Variants in NFIB observed in about 807,000 individuals in gnomAD.
The protein encoded by NFIB is nuclear factor 1 B-type.
NFIB carries 11 observed loss-of-function variants against 61.5 expected under a neutral mutation model. The ratio of observed to expected loss-of-function variants is 0.18; its 90% CI spans 0.11 to 0.30. The LOEUF is 0.30. Among genes scored for constraint, NFIB ranks in the 10% least tolerant of loss-of-function variants. The pLI, the probability that NFIB is intolerant of heterozygous loss-of-function variation, is 1.00. For missense variants in NFIB, 471 were observed against 608.9 expected (o/e 0.77, Z 2.38); for synonymous variants, 260 against 216.5 (o/e 1.20, Z -1.76).
the NFIB span, among the ~76,000 whole-genome samples, chr9:14,432,267 G>A: frequency 1.3e-5 from 2 of 152,298 alleles, no homozygotes; most frequent in Admixed American, 6.5e-5. Context: ...CATGTTTCTT[G>A]CCATGTAGAA....
chr9:14,237,933 A>G (rs961933683), intron 2 of NFIB, among the ~76,000 whole-genome samples: 7 of 148,912 alleles, frequency 4.7e-5, no homozygotes, highest in African/African-American at 1.7e-4. Context: ...GCAGATTATC[A>G]AAGTCCTAAC....
chr9:14,250,874 C>T (rs1163920961), intron 2 of NFIB, among the ~76,000 whole-genome samples: 1 of 152,148 alleles, frequency 6.6e-6, no homozygotes, highest in African/African-American at 2.4e-5. Context: ...GGACTTATGA[C>T]ATTTGAGTAT....
At chr9:14,439,534 C>A in the NFIB span, among the ~76,000 whole-genome samples, 4 of 152,186 alleles carry the variant, frequency 2.6e-5, no homozygotes, top group East Asian at 7.7e-4. Context: ...TTAGTAAGTG[C>A]TTAATAAATA....
At position 14,086,125 on chromosome 9, in the gene NFIB, A is replaced by T. The variant is rs1410908580; in HGVS notation, c.*2184T>A. ...CCCAGGTGGGAAGTTAGAGAGGGGA[A>T]CCTGTGTAAGTTGAAGTTTGTCACA... On this transcript the variant is annotated 3_prime_UTR_variant, in exon 11 of 11. Coordinates refer to ENST00000380953, the MANE Select transcript of NFIB (RefSeq NM_001190737.2). 8.9e-6 allele frequency: 2 copies of T among 224,636 alleles called. No homozygotes were observed. The highest frequency in any genetic ancestry group is 4.5e-5 in the African/African-American group (2 of 44,838). 13.9% of individuals were successfully genotyped at this position (224,636 alleles called of 1,614,324 possible).
intron 10 of NFIB, among the ~76,000 whole-genome samples, chr9:14,107,654 C>G (rs1190345389): frequency 6.6e-6 from 1 of 152,060 alleles, no homozygotes; most frequent in Non-Finnish European, 1.5e-5. Context: ...TAGAAATGCC[C>G]TGTCACATCA....
Position 14,083,374 on chromosome 9 carries a change from T to C in NFIB, c.*4935A>G. On this transcript the variant is annotated 3_prime_UTR_variant, in exon 11 of 11. Transcript: ENST00000380953. ...AGGGAATTAGAAAAAACAGGGGAAC[T>C]ACCAGAAAGTGCAAAATATGAAGAA... 4.5e-6 allele frequency: 1 copy of C among 220,874 alleles called. No homozygotes were observed. The highest frequency in any genetic ancestry group is 1.9e-4 in the South Asian group (1 of 5,364). 13.7% of individuals were successfully genotyped at this position (220,874 alleles called of 1,614,324 possible).
the NFIB span, among the ~76,000 whole-genome samples, chr9:14,530,862 G>A: frequency 1.2e-4 from 18 of 149,836 alleles, no homozygotes; most frequent in African/African-American, 4.4e-4. Context: ...CGAAGCAAAC[G>A]AGTAAAAGCA....
At chr9:14,187,260 T>TG (rs374071587) in intron 2 of NFIB, among the ~76,000 whole-genome samples, 6,607 of 152,168 alleles carry the variant, frequency 0.043, 426 homozygotes, top group African/African-American at 0.14. Flanking sequence ...TTTGTTTGTT[T>TG]TTTTAGTGAA....
At chr9:14,273,791 T>C (rs2057793321) in intron 2 of NFIB, among the ~76,000 whole-genome samples, 1 of 152,146 alleles carries the variant, frequency 6.6e-6, no homozygotes, top group Non-Finnish European at 1.5e-5. Flanking sequence ...CAATGGTATG[T>C]GGTCTTGAAA....
chr9:14,156,024 T>TA, intron 3 of NFIB, 131 bp from the exon 4 acceptor site: 2 of 485,584 alleles, frequency 4.1e-6, no homozygotes, highest in Non-Finnish European at 7.2e-6. Context: ...ATAAGGACTT[T>TA]AAAAAATGAC....
chr9:14,349,188 T>C (rs1052405823), intron 1 of NFIB, among the ~76,000 whole-genome samples: 2 of 152,194 alleles, frequency 1.3e-5, no homozygotes, highest in Non-Finnish European at 2.9e-5. Flanking sequence ...GAGCAGTCTT[T>C]GTAGCCTGTT....
chr9:14,246,375 G>A (rs2054926639), intron 2 of NFIB, among the ~76,000 whole-genome samples: 1 of 152,012 alleles, frequency 6.6e-6, no homozygotes, highest in African/African-American at 2.4e-5. Flanking sequence ...CTTCATACAG[G>A]ACTGTGCTCC....
chr9:14,337,873 T>C (rs1378665076), intron 1 of NFIB, among the ~76,000 whole-genome samples: 1 of 152,248 alleles, frequency 6.6e-6, no homozygotes, highest in East Asian at 1.9e-4. Context: ...TATTATGGGT[T>C]CCATTGTCTT....
At chr9:14,362,116 G>C (rs1436850230) in intron 1 of NFIB, 5 of 152,160 alleles carry the variant, frequency 3.3e-5, no homozygotes, top group African/African-American at 1.2e-4. Context: ...GGTGAATGGA[G>C]ATAATTAAGT....
rs116848122 is a variant in NFIB, at chr9:14,158,643, T to G, written c.617-2750A>C. Among the ~76,000 whole-genome samples, 524 of 152,348 alleles carry G rather than the reference T, an allele frequency of 3.4e-3. 3 individuals are homozygous for G. The East Asian group carries it at 0.04, about 12-fold the overall frequency. On this transcript the variant is annotated intron_variant, in intron 3 of 10. Transcript: ENST00000380953. ...TCAACTTTACAAACAGGGTCACACATTAACATCTTAGTCATTTTATTACAA... is the reference window on the plus strand; with the variant it reads ...TCAACTTTACAAACAGGGTCACACAGTAACATCTTAGTCATTTTATTACAA...
the NFIB span, among the ~76,000 whole-genome samples, chr9:14,498,689 G>T: frequency 2.0e-5 from 3 of 152,042 alleles, no homozygotes; most frequent in African/African-American, 7.2e-5. Flanking sequence ...GGTTAGGGGA[G>T]AAATACTGGG....
intron 8 of NFIB, among the ~76,000 whole-genome samples, chr9:14,118,768 C>CT (rs35334290): frequency 0.055 from 7,124 of 128,954 alleles, 375 homozygotes; most frequent in East Asian, 0.16. Context: ...TTTTCTTTTT[C>CT]TTTTTTTTTT....
At chr9:14,198,645 T>C (rs4532695) in intron 2 of NFIB, among the ~76,000 whole-genome samples, 132,023 of 152,162 alleles carry the variant, frequency 0.87, 57,488 homozygotes, top group South Asian at 0.93. Flanking sequence ...TTCCTCGACC[T>C]CACCCGCAAT....
At chr9:14,479,392 C>T in the NFIB span, among the ~76,000 whole-genome samples, 2 of 152,190 alleles carry the variant, frequency 1.3e-5, no homozygotes, top group African/African-American at 4.8e-5. Flanking sequence ...GTGGGTTTCA[C>T]AGAGGGCCAT....
Sources: allele counts gnomAD v4.1 joint callset (sites outside exome capture counted in the v4.1 genomes callset), GRCh38; gene constraint gnomAD v4.1.1; transcripts MANE v1.5; gene names NCBI Gene and HGNC (gene_info 2026-07-23, HGNC 2026-07-21).